Variants in PRDM5 observed in about 807,000 individuals in gnomAD.
The protein encoded by PRDM5 is PR/SET domain 5.
PRDM5 carries 56 observed loss-of-function variants against 81.2 expected under a neutral mutation model. That is an observed-to-expected ratio of 0.69 (90% confidence interval 0.56 to 0.86). The LOEUF is 0.86. PRDM5 is among the 40% of genes least tolerant of loss of function. The pLI, the probability that PRDM5 is intolerant of heterozygous loss-of-function variation, is 0.00. For synonymous variants in PRDM5, 267 were observed against 256.4 expected, an observed-to-expected ratio of 1.04 and a Z score of -0.39; for missense variants, 697 against 770.1, an observed-to-expected ratio of 0.91 and a Z score of 1.12.
chr4:120,885,946 C>T lies in PRDM5; in HGVS notation c.177+21528G>A, dbSNP rs1040290545. ...AATTCCAAGCATTCTTTAATCACAC[C>T]TCAGGTTTTGCTGAATGACCAGAAA... On this transcript the variant is annotated intron_variant, in intron 2 of 15. Coordinates refer to ENST00000264808, the MANE Select transcript of PRDM5 (RefSeq NM_018699.4). Among the ~76,000 whole-genome samples, 4 of 152,082 alleles carry T rather than the reference C, an allele frequency of 2.6e-5. No homozygotes were observed. In the East Asian group the frequency reaches 5.8e-4, roughly 22 times the overall value.
chr4:120,809,103 G>A (rs562060038), intron 8 of PRDM5, among the ~76,000 whole-genome samples: 2 of 152,322 alleles, frequency 1.3e-5, no homozygotes, highest in Admixed American at 6.5e-5. Context: ...CGAAGGCTGC[G>A]AGGGCTGCCA....
intron 11 of PRDM5, among the ~76,000 whole-genome samples, chr4:120,782,552 T>C (rs1210796883): frequency 6.6e-6 from 1 of 152,148 alleles, no homozygotes; most frequent in East Asian, 1.9e-4. Context: ...TTAAAGTCTC[T>C]TAGAGTCCTT....
intron 13 of PRDM5, among the ~76,000 whole-genome samples, chr4:120,765,322 G>T (rs530715143): frequency 6.6e-6 from 1 of 152,222 alleles, no homozygotes; most frequent in African/African-American, 2.4e-5. Flanking sequence ...AACACAGAAA[G>T]CTGGTTGGAA....
intron 2 of PRDM5, among the ~76,000 whole-genome samples, chr4:120,861,572 C>T (rs2148499803): frequency 6.6e-6 from 1 of 151,962 alleles, no homozygotes; most frequent in Non-Finnish European, 1.5e-5. Context: ...CCGAGGCGGG[C>T]ATATCACTTG....
intron 15 of PRDM5, among the ~76,000 whole-genome samples, chr4:120,703,053 C>G (rs1735606392): frequency 6.6e-6 from 1 of 152,124 alleles, no homozygotes; most frequent in Non-Finnish European, 1.5e-5. Context: ...TCCTGAAATG[C>G]TCTTTTCCCT....
At position 120,781,260 on chromosome 4, in the gene PRDM5, C is replaced by T. The variant is rs1226404490; in HGVS notation, c.1326G>A (p.Lys442=). 1.2e-6 allele frequency: 2 copies of T among 1,613,134 alleles called. No individual in the cohort carries two copies. Among genetic ancestry groups the T allele is most frequent in the Non-Finnish European group, 1.7e-6 (2 of 1,179,366 alleles). The change falls in exon 12 of 16, where the codon AAG becomes AAA. Residue 442 remains lysine (K), a synonymous_variant. Coordinates refer to ENST00000264808, the MANE Select transcript of PRDM5 (RefSeq NM_018699.4). ...FKCHHCDATF[K]RKDTLNVHVQ... ...CATGAACATTTAATGTATCCTTCCT[C>T]TTAAAGGTAGCATCGCAGTGATGGC...
chr4:120,756,597 A>C (rs1454256739), intron 13 of PRDM5, among the ~76,000 whole-genome samples: 1 of 152,210 alleles, frequency 6.6e-6, no homozygotes, highest in Non-Finnish European at 1.5e-5. Context: ...CTGAGATCTT[A>C]ATCATTTAAC....
At chr4:120,883,034 A>C (rs2148590188) in intron 2 of PRDM5, among the ~76,000 whole-genome samples, 1 of 152,378 alleles carries the variant, frequency 6.6e-6, no homozygotes, top group South Asian at 2.1e-4. Flanking sequence ...AGTGCTCAAT[A>C]GCCATATGTA....
chr4:120,747,701 G>T (rs1307244991), intron 14 of PRDM5, among the ~76,000 whole-genome samples: 1 of 152,140 alleles, frequency 6.6e-6, no homozygotes, highest in Non-Finnish European at 1.5e-5. Flanking sequence ...GTTCATGAAA[G>T]AAAATTAATA....
intron 14 of PRDM5, among the ~76,000 whole-genome samples, chr4:120,739,678 A>C (rs1741627192): frequency 6.6e-6 from 1 of 151,762 alleles, no homozygotes; most frequent in Admixed American, 6.6e-5. Flanking sequence ...CTTACTTTAA[A>C]ATTTCACCTT....
intron 2 of PRDM5, among the ~76,000 whole-genome samples, chr4:120,884,075 A>AT (rs1249782998): frequency 6.6e-6 from 1 of 152,146 alleles, no homozygotes; most frequent in Non-Finnish European, 1.5e-5. Flanking sequence ...GAAAAAACAA[A>AT]TCTCTTCATG....
chr4:120,818,222 CTCAT>C, intron 5 of PRDM5, 127 bp downstream of exon 5: 2 of 888,876 alleles, frequency 2.3e-6, no homozygotes, highest in Non-Finnish European at 3.5e-6. Context: ...TGCTTAATCT[CTCAT>C]TCACACACAA....
intron 13 of PRDM5, among the ~76,000 whole-genome samples, chr4:120,758,848 C>T (rs1260695919): frequency 3.3e-5 from 5 of 151,888 alleles, no homozygotes; most frequent in African/African-American, 7.3e-5. Context: ...CCCTGCCTCC[C>T]GGGTTCACAC....
downstream of PRDM5, among the ~76,000 whole-genome samples, chr4:120,688,527 T>A (rs1186866723): frequency 3.9e-5 from 6 of 152,150 alleles, no homozygotes; most frequent in Admixed American, 2.0e-4. Context: ...TTGCTTTTGG[T>A]GTCCTATCCA....
intron 2 of PRDM5, among the ~76,000 whole-genome samples, chr4:120,866,216 T>C (rs879938861): frequency 6.6e-6 from 1 of 152,138 alleles, no homozygotes; most frequent in Non-Finnish European, 1.5e-5. Flanking sequence ...GCACACTTCA[T>C]TGCACACACA....
At chr4:120,918,418 C>G (rs1724468651) in intron 1 of PRDM5, among the ~76,000 whole-genome samples, 2 of 152,174 alleles carry the variant, frequency 1.3e-5, no homozygotes, top group Admixed American at 1.3e-4. Flanking sequence ...TCAGACAAGT[C>G]ACCTTCTACA....
downstream of PRDM5, among the ~76,000 whole-genome samples, chr4:120,689,167 C>G (rs749124849): frequency 9.9e-5 from 15 of 152,168 alleles, no homozygotes; most frequent in Non-Finnish European, 2.1e-4. Flanking sequence ...CTAATAGTAT[C>G]TTAACCAGCT....
chr4:120,856,981 C>T (rs911232295), intron 2 of PRDM5, among the ~76,000 whole-genome samples: 1 of 152,230 alleles, frequency 6.6e-6, no homozygotes, highest in South Asian at 2.1e-4. Context: ...ACAGTCTCAT[C>T]GTGTAGTAAA....
chr4:120,909,202 A>T (rs1766192883), intron 1 of PRDM5, among the ~76,000 whole-genome samples: 1 of 152,194 alleles, frequency 6.6e-6, no homozygotes. Context: ...TTCTGAGTGG[A>T]GTGCTCAGGC....
Sources: allele counts gnomAD v4.1 joint callset (sites outside exome capture counted in the v4.1 genomes callset), GRCh38; gene constraint gnomAD v4.1.1; transcripts MANE v1.5; gene names NCBI Gene and HGNC (gene_info 2026-07-23, HGNC 2026-07-21).